Variants in DLGAP2 observed in about 807,000 individuals in gnomAD.
DLGAP2 encodes disks large-associated protein 2.
DLGAP2 carries 26 observed loss-of-function variants against 100.3 expected under a neutral mutation model. The ratio of observed to expected loss-of-function variants is 0.26; its 90% CI spans 0.19 to 0.36. DLGAP2 has a LOEUF of 0.36. Ranked by LOEUF, DLGAP2 falls within the 10% of genes least tolerant of loss-of-function variation. The pLI is 1.00. For synonymous variants in DLGAP2, 886 were observed against 630.1 expected, an observed-to-expected ratio of 1.41 and a Z score of -6.08; for missense variants, 1,858 against 1,453.2, an observed-to-expected ratio of 1.28 and a Z score of -4.53.
chr8:1,453,652 C>T (rs1017892894), intron 3 of DLGAP2, among the ~76,000 whole-genome samples: 1 of 152,154 alleles, frequency 6.6e-6, no homozygotes. Flanking sequence ...TGCAACACCA[C>T]CATCCACCCA....
chr8:1,331,570 C>T (rs1801158900), intron 3 of DLGAP2, among the ~76,000 whole-genome samples: 1 of 152,146 alleles, frequency 6.6e-6, no homozygotes, highest in South Asian at 2.1e-4. Flanking sequence ...TGTTCATCCA[C>T]CTCGGTGTTT....
intron 2 of DLGAP2, among the ~76,000 whole-genome samples, chr8:1,060,035 G>A (rs1803029055): frequency 6.6e-6 from 1 of 152,174 alleles, no homozygotes; most frequent in Non-Finnish European, 1.5e-5. Context: ...GGGTGAACTG[G>A]AAGTGGAATC....
chr8:1,581,840 G>C (rs952358892), intron 6 of DLGAP2, among the ~76,000 whole-genome samples: 5 of 143,062 alleles, frequency 3.5e-5, no homozygotes, highest in Admixed American at 2.9e-4. Flanking sequence ...CAGAAGTGAA[G>C]GATACAGACA....
Position 1,630,456 on chromosome 8 carries a change from A to C in DLGAP2, c.1591-2371A>C, listed in dbSNP as rs190348603. 1.8e-3 allele frequency among the ~76,000 whole-genome samples: 268 copies of C among 152,260 alleles called. 1 individual carries two copies. The highest frequency in any genetic ancestry group is 6.2e-3 in the African/African-American group (257 of 41,560). Reference sequence around the variant, plus strand: ...GGTGGCTCACGCCTGTAATCCCAGCACTTTGGGAGGCCGAGGTGGGTGGAT... The same window carrying C: ...GGTGGCTCACGCCTGTAATCCCAGCCCTTTGGGAGGCCGAGGTGGGTGGAT... On this transcript the variant is annotated intron_variant, in intron 7 of 14. Transcript: ENST00000637795.
intron 2 of DLGAP2, among the ~76,000 whole-genome samples, chr8:1,251,793 A>C (rs542938030): frequency 6.6e-6 from 1 of 152,378 alleles, no homozygotes; most frequent in African/African-American, 2.4e-5. Context: ...GGTGTCCCAC[A>C]GTCACGTCAC....
At chr8:746,399 G>A (rs1160545726) in intron 1 of DLGAP2, among the ~76,000 whole-genome samples, 1 of 152,250 alleles carries the variant, frequency 6.6e-6, no homozygotes, top group East Asian at 1.9e-4. Flanking sequence ...CTGGGGAAGA[G>A]GGGTCAGATG....
intron 6 of DLGAP2, among the ~76,000 whole-genome samples, chr8:1,588,512 T>A (rs1312104370): frequency 2.0e-5 from 3 of 152,210 alleles, no homozygotes; most frequent in African/African-American, 7.2e-5. Flanking sequence ...ATGAATTTTT[T>A]CATTTATTCA....
rs536830338 is a variant in DLGAP2, at chr8:1,295,254, C to T, written c.106+36371C>T. Among the ~76,000 whole-genome samples, 12 of 152,286 alleles carry T rather than the reference C, an allele frequency of 7.9e-5. No homozygotes were observed. The East Asian group carries it at 1.7e-3, about 22-fold the overall frequency. ...CCTGAAAACCCCGAATCCTCCATGC[C>T]GTCTCTTTCTTTCCATGGGATAGAT... On this transcript the variant is annotated intron_variant, in intron 3 of 14. Coordinates refer to ENST00000637795, the MANE Select transcript of DLGAP2 (RefSeq NM_001346810.2).
chr8:1,520,278 G>T (rs1025643348), intron 4 of DLGAP2, among the ~76,000 whole-genome samples: 1 of 152,174 alleles, frequency 6.6e-6, no homozygotes, highest in East Asian at 1.9e-4. Context: ...ATGGGAAAAC[G>T]CTGGGGCACA....
Position 1,009,104 on chromosome 8 carries a change from G to A in DLGAP2, c.73+101138G>A, listed in dbSNP as rs1036251474. Among the ~76,000 whole-genome samples the A allele has an allele frequency of 2.0e-5, 3 of 152,188 alleles. No individual in the cohort carries two copies. The East Asian group carries it at 5.8e-4, about 29-fold the overall frequency. Reference sequence around the variant, plus strand: ...AGTGTAGCTGCACAGCCCAGCCTGGGGACCCTCTTCCATGTGGCCGAGGGT... The same window carrying A: ...AGTGTAGCTGCACAGCCCAGCCTGGAGACCCTCTTCCATGTGGCCGAGGGT... On this transcript the variant is annotated intron_variant, in intron 2 of 14. Coordinates refer to ENST00000637795, the MANE Select transcript of DLGAP2 (RefSeq NM_001346810.2).
At chr8:1,316,851 C>A (rs369296214) in intron 3 of DLGAP2, among the ~76,000 whole-genome samples, 3,560 of 87,554 alleles carry the variant, frequency 0.041, 65 homozygotes, top group Middle Eastern at 0.087. Context: ...GCGTCTCTCC[C>A]ACAGTGGTCT....
At chr8:828,147 G>A (rs1352562404) in intron 1 of DLGAP2, among the ~76,000 whole-genome samples, 1 of 152,202 alleles carries the variant, frequency 6.6e-6, no homozygotes, top group Non-Finnish European at 1.5e-5. Flanking sequence ...TGCTAATGAA[G>A]TTTTGGGCAC....
chr8:1,508,900 A>C (rs1329226812), intron 4 of DLGAP2, among the ~76,000 whole-genome samples: 1 of 152,064 alleles, frequency 6.6e-6, no homozygotes, highest in Non-Finnish European at 1.5e-5. Context: ...ATATTGCCAC[A>C]TTCTCAATGG....
At chr8:1,388,976 G>A (rs1427799479) in intron 3 of DLGAP2, among the ~76,000 whole-genome samples, 2 of 142,052 alleles carry the variant, frequency 1.4e-5, no homozygotes, top group Non-Finnish European at 3.0e-5. Context: ...CGTGGATGAG[G>A]AGGCGCTGGT....
intron 3 of DLGAP2, among the ~76,000 whole-genome samples, chr8:1,357,464 A>G (rs918217694): frequency 6.7e-6 from 1 of 149,738 alleles, no homozygotes; most frequent in African/African-American, 2.5e-5. Context: ...GGAGTCGTCT[A>G]ATGTACAGTG....
chr8:1,305,638 A>G (rs927259555), intron 3 of DLGAP2, among the ~76,000 whole-genome samples: 1 of 152,210 alleles, frequency 6.6e-6, no homozygotes, highest in Non-Finnish European at 1.5e-5. Flanking sequence ...CAGGATAAAA[A>G]TTACACTGAA....
At chr8:1,409,449 G>A (rs953143436) in intron 3 of DLGAP2, among the ~76,000 whole-genome samples, 10 of 152,216 alleles carry the variant, frequency 6.6e-5, no homozygotes, top group African/African-American at 1.2e-4. Flanking sequence ...CGGAAGAAAT[G>A]GGCTCAGTAA....
intron 2 of DLGAP2, among the ~76,000 whole-genome samples, chr8:972,837 C>T (rs1274803825): frequency 6.6e-6 from 1 of 152,134 alleles, no homozygotes; most frequent in Non-Finnish European, 1.5e-5. Context: ...GAGCATGCTG[C>T]CTTCAAGCAT....
chr8:1,450,502 G>A (rs1034554872), intron 3 of DLGAP2, among the ~76,000 whole-genome samples: 5 of 149,886 alleles, frequency 3.3e-5, no homozygotes, highest in Admixed American at 1.3e-4. Context: ...GGGCGGCCTC[G>A]GTGGCTGAGG....
Sources: gnomAD v4.1 joint callset for allele counts (sites outside exome capture counted in the v4.1 genomes callset) on GRCh38, gnomAD v4.1.1 for gene constraint, MANE v1.5 for transcripts, NCBI Gene and HGNC (gene_info 2026-07-23, HGNC 2026-07-21) for gene names.